TMEM132D: variants seen among roughly 807,000 people sequenced by gnomAD.
TMEM132D encodes the protein transmembrane protein 132D.
A neutral mutation model predicts 62.3 loss-of-function variants in TMEM132D; 21 were observed. That is an observed-to-expected ratio of 0.34 (90% CI 0.24 to 0.49). The LOEUF (loss-of-function observed/expected upper bound fraction) is 0.49. TMEM132D is among the 20% of genes least tolerant of loss of function. TMEM132D has a pLI of 0.99. For synonymous variants in TMEM132D, 621 were observed against 575.6 expected (o/e 1.08, Z -1.13); for missense variants, 1,346 against 1,402.8 (o/e 0.96, Z 0.65).
chr12:129,675,864 G>A (rs1017013371), intron 2 of TMEM132D, among the ~76,000 whole-genome samples: 10 of 152,146 alleles, frequency 6.6e-5, no homozygotes, highest in Admixed American at 2.0e-4. Flanking sequence ...GACTTGCAGG[G>A]AAAAACTTAA....
rs59772620 is a variant in TMEM132D, at chr12:129,272,084, G to A, written c.1300-62421C>T. 6.5e-3 allele frequency among the ~76,000 whole-genome samples: 988 copies of A among 151,840 alleles called. 30 individuals carry two copies. The highest frequency in any genetic ancestry group is 0.054 in the Admixed American group (824 of 15,272). On this transcript the variant is annotated intron_variant, in intron 4 of 8. Coordinates refer to ENST00000422113, the MANE Select transcript of TMEM132D (RefSeq NM_133448.3). ...AGGACAGTTTTTCTACAGCAAAGTC[G>A]GGGTGATTGGATGCCAGGTACTAAA...
intron 5 of TMEM132D, among the ~76,000 whole-genome samples, chr12:129,096,344 A>G (rs1043922914): frequency 2.6e-5 from 4 of 152,084 alleles, no homozygotes; most frequent in Non-Finnish European, 5.9e-5. Context: ...GCTGAGACAG[A>G]AGGTCCATTA....
intron 1 of TMEM132D, among the ~76,000 whole-genome samples, chr12:129,748,119 AG>A (rs1869876665): frequency 6.6e-6 from 1 of 152,196 alleles, no homozygotes; most frequent in South Asian, 2.1e-4. Flanking sequence ...CTCTTTAGAC[AG>A]TGGTAAGCAC....
intron 1 of TMEM132D, among the ~76,000 whole-genome samples, chr12:129,832,104 G>A (rs1872861357): frequency 7.0e-6 from 1 of 142,528 alleles, no homozygotes; most frequent in South Asian, 2.2e-4. Context: ...GGCCAGGCTG[G>A]TCTCAATCTC....
intron 3 of TMEM132D, among the ~76,000 whole-genome samples, chr12:129,530,475 G>C (rs1330069800): frequency 1.3e-5 from 2 of 152,184 alleles, no homozygotes; most frequent in African/African-American, 4.8e-5. Flanking sequence ...CCTTTGCCCA[G>C]CTGTGAATTG....
intron 1 of TMEM132D, among the ~76,000 whole-genome samples, chr12:129,818,346 GGT>G (rs1872431803): frequency 6.9e-6 from 1 of 145,824 alleles, no homozygotes; most frequent in African/African-American, 2.5e-5. Context: ...TCTGCTTTGG[GGT>G]GTGTGTGGTG....
intron 4 of TMEM132D, among the ~76,000 whole-genome samples, chr12:129,322,435 T>C (rs1842737): frequency 0.72 from 109,690 of 152,128 alleles, 39,728 homozygotes; most frequent in Middle Eastern, 0.8. Flanking sequence ...ATACAATGTT[T>C]TGTGAAGAGG....
At chr12:129,451,054 GC>G (rs1873271735) in intron 3 of TMEM132D, among the ~76,000 whole-genome samples, 2 of 151,986 alleles carry the variant, frequency 1.3e-5, no homozygotes, top group Non-Finnish European at 2.9e-5. Flanking sequence ...GAGCCACCGC[GC>G]CCGGCCAATT....
intron 2 of TMEM132D, among the ~76,000 whole-genome samples, chr12:129,640,352 C>T (rs1565932695): frequency 6.6e-6 from 1 of 152,184 alleles, no homozygotes; most frequent in Non-Finnish European, 1.5e-5. Flanking sequence ...AAATATGCTT[C>T]ATATTCACTC....
chr12:129,746,745 G>GGAAGAA (rs1555229103), intron 1 of TMEM132D, among the ~76,000 whole-genome samples: 5 of 151,986 alleles, frequency 3.3e-5, no homozygotes, highest in Non-Finnish European at 2.9e-5. Flanking sequence ...ACAGTGTCAC[G>GGAAGAA]GAAGAGACAC....
intron 3 of TMEM132D, among the ~76,000 whole-genome samples, chr12:129,433,170 T>C (rs1243694965): frequency 6.6e-6 from 1 of 152,236 alleles, no homozygotes; most frequent in African/African-American, 2.4e-5. Context: ...TCATGGACTT[T>C]ACGTTGTTTC....
intron 4 of TMEM132D, among the ~76,000 whole-genome samples, chr12:129,254,917 T>C (rs1213398123): frequency 1.3e-5 from 2 of 152,210 alleles, no homozygotes; most frequent in Non-Finnish European, 2.9e-5. Context: ...CCAAATCTCA[T>C]GTCAAGTTGT....
intron 3 of TMEM132D, among the ~76,000 whole-genome samples, chr12:129,451,062 A>C (rs956625420): frequency 2.6e-5 from 4 of 151,992 alleles, no homozygotes; most frequent in Non-Finnish European, 2.9e-5. Context: ...GCGCCCGGCC[A>C]ATTTTCATCA....
At chr12:129,091,875 T>G (rs1225469727) in intron 5 of TMEM132D, among the ~76,000 whole-genome samples, 1 of 152,246 alleles carries the variant, frequency 6.6e-6, no homozygotes, top group Admixed American at 6.5e-5. Flanking sequence ...ATTCTGACAT[T>G]CATCCTTGCC....
At chr12:129,859,333 C>T (rs985204964) in intron 1 of TMEM132D, among the ~76,000 whole-genome samples, 3 of 152,160 alleles carry the variant, frequency 2.0e-5, no homozygotes, top group African/African-American at 7.2e-5. Flanking sequence ...TGCCATTAAA[C>T]GTAATAGCAA....
intron 2 of TMEM132D, among the ~76,000 whole-genome samples, chr12:129,577,213 C>T (rs1245764416): frequency 6.6e-6 from 1 of 151,790 alleles, no homozygotes; most frequent in Admixed American, 6.6e-5. Flanking sequence ...GCCAAGATGG[C>T]TAGCAGCACA....
At position 129,748,307 on chromosome 12, in the gene TMEM132D, A is replaced by T. The variant is rs561695175; in HGVS notation, c.80-47609T>A. 6.1e-3 allele frequency among the ~76,000 whole-genome samples: 928 copies of T among 152,122 alleles called. 5 individuals are homozygous for T. Among genetic ancestry groups the T allele is most frequent in the Non-Finnish European group, 8.2e-3 (561 of 68,002 alleles). The stretch of plus-strand genomic sequence containing the variant: ...GGAAAAGAGGGAGTCAAAAGCATGA[A>T]GATACCGACTGGCTTTGATCGACTG... On this transcript the variant is annotated intron_variant, in intron 1 of 8. Transcript: ENST00000422113.
intron 3 of TMEM132D, among the ~76,000 whole-genome samples, chr12:129,339,426 G>A (rs949522055): frequency 3.8e-5 from 1 of 26,170 alleles, no homozygotes; most frequent in Admixed American, 5.3e-4. Context: ...GCTGCAATGG[G>A]CTGTGAGTAA....
intron 1 of TMEM132D, among the ~76,000 whole-genome samples, chr12:129,861,961 C>T (rs770572187): frequency 6.6e-6 from 1 of 152,016 alleles, no homozygotes; most frequent in Non-Finnish European, 1.5e-5. Flanking sequence ...TAGCCACACC[C>T]AACACACAAG....
Sources: allele counts gnomAD v4.1 joint callset (sites outside exome capture counted in the v4.1 genomes callset), GRCh38; gene constraint gnomAD v4.1.1; transcripts MANE v1.5; gene names NCBI Gene and HGNC (gene_info 2026-07-23, HGNC 2026-07-21).